The following DPP6 variants were observed in gnomAD, a reference collection of about 807,000 sequenced individuals.
DPP6 encodes dipeptidyl peptidase like 6.
In DPP6, 69 loss-of-function variants were observed where a neutral mutation model predicts 122.6. That is an observed-to-expected ratio of 0.56 (90% CI 0.46 to 0.69). The LOEUF (loss-of-function observed/expected upper bound fraction) is 0.69. Ranked by LOEUF, DPP6 falls within the 30% of genes least tolerant of loss-of-function variation. The pLI is 0.00. For synonymous variants in DPP6, 418 were observed against 433.1 expected, an observed-to-expected ratio of 0.97 and a Z score of 0.43; for missense variants, 928 against 1,116.9, an observed-to-expected ratio of 0.83 and a Z score of 2.41.
At chr7:154,255,319 A>G (rs1462774465) in intron 1 of DPP6, among the ~76,000 whole-genome samples, 3 of 152,210 alleles carry the variant, frequency 2.0e-5, no homozygotes, top group African/African-American at 7.2e-5. Context: ...AAAAGGTTTT[A>G]TGTTATGCCA....
intron 5 of DPP6, among the ~76,000 whole-genome samples, chr7:154,585,577 C>T (rs1230206343): frequency 6.6e-6 from 1 of 152,178 alleles, no homozygotes; most frequent in Non-Finnish European, 1.5e-5. Context: ...GAAGCTCAAG[C>T]GCCTTAGGTA....
intron 1 of DPP6, among the ~76,000 whole-genome samples, chr7:153,966,124 G>A (rs1436244302): frequency 1.9e-5 from 2 of 103,120 alleles, no homozygotes; most frequent in African/African-American, 3.4e-5. Flanking sequence ...AATCAAAGAC[G>A]AATCATGAAA....
At chr7:154,111,260 G>C (rs1806550930) in intron 1 of DPP6, among the ~76,000 whole-genome samples, 1 of 152,218 alleles carries the variant, frequency 6.6e-6, no homozygotes, top group East Asian at 1.9e-4. Flanking sequence ...CCAGTGATCA[G>C]AGAGCAGGTC....
At chr7:154,164,506 G>C (rs1303499504) in intron 1 of DPP6, among the ~76,000 whole-genome samples, 1 of 151,890 alleles carries the variant, frequency 6.6e-6, no homozygotes, top group African/African-American at 2.4e-5. Flanking sequence ...CCTTTTAAAG[G>C]GTATGATTAG....
chr7:154,756,112 T>C (rs1843653485), intron 8 of DPP6, among the ~76,000 whole-genome samples: 1 of 152,212 alleles, frequency 6.6e-6, no homozygotes, highest in Non-Finnish European at 1.5e-5. Flanking sequence ...AGCCGTTTGC[T>C]CTTTTTCTCT....
chr7:153,832,191 A>G, the DPP6 span, among the ~76,000 whole-genome samples: 46,045 of 152,132 alleles, frequency 0.3, 7,561 homozygotes, highest in African/African-American at 0.44. Flanking sequence ...TGGTTGTAGC[A>G]ATAAAAACTA....
At chr7:153,809,325 TTC>T in the DPP6 span, among the ~76,000 whole-genome samples, 120 of 152,166 alleles carry the variant, frequency 7.9e-4, 4 homozygotes, top group African/African-American at 2.8e-3. Flanking sequence ...GCCTTAAAGT[TTC>T]TGTGTCCCCA....
chr7:154,154,796 T>C (rs1796600159), intron 1 of DPP6, among the ~76,000 whole-genome samples: 1 of 152,212 alleles, frequency 6.6e-6, no homozygotes. Flanking sequence ...CACACACACA[T>C]GCATGCACAC....
intron 10 of DPP6, among the ~76,000 whole-genome samples, chr7:154,783,105 T>C (rs1180395968): frequency 6.6e-6 from 1 of 152,192 alleles, no homozygotes; most frequent in Non-Finnish European, 1.5e-5. Flanking sequence ...GGAACCACAC[T>C]GTCAGAACCT....
intron 1 of DPP6, among the ~76,000 whole-genome samples, chr7:154,353,490 G>A (rs67433368): frequency 0.085 from 12,875 of 152,158 alleles, 675 homozygotes; most frequent in African/African-American, 0.14. Flanking sequence ...AATCTGATGA[G>A]GGAATTCTTC....
At chr7:154,705,995 C>G (rs1467854666) in intron 7 of DPP6, among the ~76,000 whole-genome samples, 1 of 152,174 alleles carries the variant, frequency 6.6e-6, no homozygotes, top group Admixed American at 6.5e-5. Flanking sequence ...GCAGATGTCC[C>G]CCCTCTACTC....
At chr7:153,858,967 A>G in the DPP6 span, among the ~76,000 whole-genome samples, 5 of 152,204 alleles carry the variant, frequency 3.3e-5, no homozygotes, top group Non-Finnish European at 7.3e-5. Context: ...TCAGAAATCC[A>G]TAACTCTATA....
At chr7:154,384,140 G>A (rs1813875540) in intron 1 of DPP6, among the ~76,000 whole-genome samples, 1 of 152,108 alleles carries the variant, frequency 6.6e-6, no homozygotes, top group African/African-American at 2.4e-5. Context: ...CGAGACTGGA[G>A]CGCTAAGAGC....
chr7:154,301,515 T>C (rs1805896663), intron 1 of DPP6, among the ~76,000 whole-genome samples: 1 of 152,070 alleles, frequency 6.6e-6, no homozygotes, highest in Non-Finnish European at 1.5e-5. Context: ...TTAGGGGGGG[T>C]AACACGTCCT....
chr7:154,664,448 A>T (rs1387437851), intron 6 of DPP6, among the ~76,000 whole-genome samples: 1 of 152,220 alleles, frequency 6.6e-6, no homozygotes, highest in East Asian at 1.9e-4. Context: ...AAGGCAATGG[A>T]GTTTAAGTCT....
the DPP6 span, among the ~76,000 whole-genome samples, chr7:153,836,315 A>T: frequency 2.5e-4 from 38 of 152,178 alleles, no homozygotes; most frequent in Admixed American, 6.5e-4. Flanking sequence ...AATATTATCT[A>T]TCAAAGCTAG....
intron 1 of DPP6, among the ~76,000 whole-genome samples, chr7:154,014,339 G>A (rs1361758396): frequency 1.4e-5 from 2 of 142,784 alleles, no homozygotes; most frequent in Non-Finnish European, 1.5e-5. Flanking sequence ...CCATGAATAA[G>A]CTATTTCACT....
intron 17 of DPP6, 48 bp downstream of exon 17, chr7:154,853,875 G>T: frequency 1.9e-6 from 3 of 1,609,064 alleles, no homozygotes; most frequent in Non-Finnish European, 1.7e-6. Context: ...TCAGGAGAAA[G>T]GAAGCAAAAC....
At chr7:154,524,461 G>A (rs1441148639) in intron 3 of DPP6, among the ~76,000 whole-genome samples, 1 of 152,178 alleles carries the variant, frequency 6.6e-6, no homozygotes, top group African/African-American at 2.4e-5. Context: ...GCAGGTGGTG[G>A]TTAGGGAACT....
Sources: gnomAD v4.1 joint callset for allele counts (sites outside exome capture counted in the v4.1 genomes callset) on GRCh38, gnomAD v4.1.1 for gene constraint, MANE v1.5 for transcripts, NCBI Gene and HGNC (gene_info 2026-07-23, HGNC 2026-07-21) for gene names.